ERC2: variants seen among roughly 807,000 people sequenced by gnomAD.
ERC2 encodes ERC protein 2.
ERC2 carries 42 observed loss-of-function variants against 114.8 expected under a neutral mutation model. The observed-to-expected ratio is 0.37, with a 90% CI of 0.29 to 0.47. The LOEUF (loss-of-function observed/expected upper bound fraction) is 0.47. Among genes scored for constraint, ERC2 ranks in the 20% least tolerant of loss-of-function variants. ERC2 has a pLI of 0.99. For synonymous variants in ERC2, 454 were observed against 425.5 expected (o/e 1.07, Z -0.82); for missense variants, 939 against 1,150.7 (o/e 0.82, Z 2.66).
At chr3:56,446,652 G>T (rs2062588986) in intron 1 of ERC2, among the ~76,000 whole-genome samples, 1 of 140,426 alleles carries the variant, frequency 7.1e-6, no homozygotes, top group African/African-American at 2.8e-5. Context: ...TTGAGACGGG[G>T]TCTCCCTCTG....
intron 2 of ERC2, among the ~76,000 whole-genome samples, chr3:56,343,190 T>A (rs62255870): frequency 0.083 from 9,143 of 109,844 alleles, 453 homozygotes; most frequent in Admixed American, 0.2. Context: ...TCTCTCTCTC[T>A]CTCACACACA....
chr3:55,538,541 T>C (rs1233891997), intron 17 of ERC2, among the ~76,000 whole-genome samples: 2 of 152,242 alleles, frequency 1.3e-5, no homozygotes, highest in African/African-American at 4.8e-5. Context: ...ATGGGATTTT[T>C]CCATTTTAAT....
intron 17 of ERC2, among the ~76,000 whole-genome samples, chr3:55,586,204 G>T (rs1286393790): frequency 1.3e-5 from 2 of 152,140 alleles, no homozygotes; most frequent in Non-Finnish European, 2.9e-5. Flanking sequence ...ACCAAGAGGG[G>T]GTTGTATTTT....
intron 4 of ERC2, among the ~76,000 whole-genome samples, chr3:56,166,101 G>T (rs886935616): frequency 3.3e-5 from 5 of 151,932 alleles, no homozygotes; most frequent in Non-Finnish European, 7.4e-5. Context: ...TGGGGGCCAT[G>T]GATGGATGTT....
intron 2 of ERC2, among the ~76,000 whole-genome samples, chr3:56,362,128 T>G (rs1389354720): frequency 6.6e-6 from 1 of 152,092 alleles, no homozygotes; most frequent in Admixed American, 6.6e-5. Flanking sequence ...TATCTCCTGC[T>G]AAATGAAAGG....
chr3:56,193,825 C>T (rs774855141), intron 3 of ERC2, among the ~76,000 whole-genome samples: 11 of 152,126 alleles, frequency 7.2e-5, no homozygotes, highest in Non-Finnish European at 1.2e-4. Context: ...AATTCCACAG[C>T]CCAAATGCTG....
intron 14 of ERC2, among the ~76,000 whole-genome samples, chr3:55,879,289 C>G (rs2063013321): frequency 6.6e-6 from 1 of 152,056 alleles, no homozygotes; most frequent in Admixed American, 6.6e-5. Context: ...GCATGCAAAA[C>G]AGGTGAGAGT....
At chr3:55,590,827 T>C (rs947154421) in intron 17 of ERC2, among the ~76,000 whole-genome samples, 3 of 152,176 alleles carry the variant, frequency 2.0e-5, no homozygotes, top group Non-Finnish European at 2.9e-5. Context: ...TTTATAGCTC[T>C]ATAACATTTT....
At chr3:55,514,370 A>C (rs1479267978) in intron 17 of ERC2, among the ~76,000 whole-genome samples, 1 of 152,126 alleles carries the variant, frequency 6.6e-6, no homozygotes, top group Non-Finnish European at 1.5e-5. Flanking sequence ...CCAGCCTGCC[A>C]ATCCAGTAAG....
intron 7 of ERC2, among the ~76,000 whole-genome samples, chr3:56,029,071 G>A (rs1018211276): frequency 1.3e-5 from 2 of 151,864 alleles, no homozygotes; most frequent in Non-Finnish European, 2.9e-5. Flanking sequence ...TTTTTCATCT[G>A]TATCCTGTTT....
At chr3:56,098,281 A>G (rs1368293169) in intron 6 of ERC2, among the ~76,000 whole-genome samples, 1 of 152,194 alleles carries the variant, frequency 6.6e-6, no homozygotes. Context: ...GAATAGCAGA[A>G]TTTGAGTCTT....
At chr3:55,576,961 G>T (rs1363667368) in intron 17 of ERC2, among the ~76,000 whole-genome samples, 2 of 152,206 alleles carry the variant, frequency 1.3e-5, no homozygotes, top group Non-Finnish European at 2.9e-5. Context: ...GCCGTGCTCT[G>T]TCTTAGACAA....
At chr3:55,746,358 C>T (rs1254064993) in intron 14 of ERC2, among the ~76,000 whole-genome samples, 1 of 151,936 alleles carries the variant, frequency 6.6e-6, no homozygotes, top group African/African-American at 2.4e-5. Context: ...CTCAGCCTCC[C>T]GAGTAGCTGA....
intron 3 of ERC2, among the ~76,000 whole-genome samples, chr3:56,215,114 A>C (rs906227624): frequency 1.8e-4 from 27 of 152,202 alleles, no homozygotes; most frequent in Non-Finnish European, 3.2e-4. Context: ...CTAACATCAT[A>C]ATGACAGGAT....
At chr3:55,546,166 A>T in intron 17 of ERC2, among the ~76,000 whole-genome samples, 2 of 152,174 alleles carry the variant, frequency 1.3e-5, no homozygotes, top group East Asian at 3.9e-4. Context: ...TAACGGCGAC[A>T]GCAGCTACCC....
At chr3:55,720,548 G>C (rs2064481151) in intron 15 of ERC2, among the ~76,000 whole-genome samples, 2 of 151,978 alleles carry the variant, frequency 1.3e-5, no homozygotes, top group African/African-American at 4.8e-5. Flanking sequence ...GCCTCCCAAA[G>C]TGTTGGGATT....
intron 14 of ERC2, among the ~76,000 whole-genome samples, chr3:55,856,023 A>G (rs988251179): frequency 3.9e-5 from 6 of 152,208 alleles, no homozygotes; most frequent in Non-Finnish European, 1.5e-5. Flanking sequence ...AGCCTCTGAG[A>G]AAGATGGAGC....
At chr3:55,652,722 A>G (rs964015344) in intron 17 of ERC2, among the ~76,000 whole-genome samples, 8 of 152,112 alleles carry the variant, frequency 5.3e-5, no homozygotes, top group Non-Finnish European at 1.0e-4. Flanking sequence ...AAATATAAAA[A>G]AAGTAGCTGG....
intron 14 of ERC2, among the ~76,000 whole-genome samples, chr3:55,797,652 G>T (rs1400504071): frequency 6.6e-6 from 1 of 152,078 alleles, no homozygotes; most frequent in Non-Finnish European, 1.5e-5. Context: ...AATGGCTTTG[G>T]ATATTAGAAT....
Sources: gnomAD v4.1 joint callset for allele counts (sites outside exome capture counted in the v4.1 genomes callset) on GRCh38, gnomAD v4.1.1 for gene constraint, MANE v1.5 for transcripts, NCBI Gene and HGNC (gene_info 2026-07-23, HGNC 2026-07-21) for gene names.